Variants in PBX4 observed in about 807,000 individuals in gnomAD.
PBX4 encodes pre-B-cell leukemia transcription factor 4.
A neutral mutation model predicts 35.1 loss-of-function variants in PBX4; 26 were observed. The observed-to-expected ratio is 0.74, with a 90% CI of 0.54 to 1.03. PBX4 has a LOEUF of 1.03. PBX4 is among the 50% of genes least tolerant of loss of function. The pLI is 0.00. For synonymous variants in PBX4, 199 were observed against 204.2 expected, an observed-to-expected ratio of 0.97 and a Z score of 0.22; for missense variants, 448 against 504.3, an observed-to-expected ratio of 0.89 and a Z score of 1.07.
At chr19:19,566,390 A>G (rs1053793224) in intron 5 of PBX4, among the ~76,000 whole-genome samples, 7 of 152,232 alleles carry the variant, frequency 4.6e-5, no homozygotes, top group Non-Finnish European at 1.0e-4. Context: ...TGAGCACCCC[A>G]GGGCCAGCGC....
chr19:19,589,639 G>A (rs778584878), intron 2 of PBX4, among the ~76,000 whole-genome samples: 4 of 151,670 alleles, frequency 2.6e-5, no homozygotes, highest in Non-Finnish European at 4.4e-5. Flanking sequence ...GCATGGTGGC[G>A]GGCACCTGTA....
At chr19:19,590,269 C>T (rs982166125) in intron 2 of PBX4, among the ~76,000 whole-genome samples, 1 of 152,124 alleles carries the variant, frequency 6.6e-6, no homozygotes, top group Non-Finnish European at 1.5e-5. Context: ...CTTCCTGTCT[C>T]TATGGATTTG....
At chr19:19,588,171 C>T in intron 2 of PBX4, 1 of 1,236,108 alleles carries the variant, frequency 8.1e-7, no homozygotes, top group Non-Finnish European at 1.2e-6. Context: ...AGGCAGCCAT[C>T]CCTATTCTTC....
At chr19:19,617,902 G>A (rs945946984) in intron 1 of PBX4, among the ~76,000 whole-genome samples, 3 of 151,838 alleles carry the variant, frequency 2.0e-5, no homozygotes, top group African/African-American at 7.3e-5. Flanking sequence ...TCGGTGGCTC[G>A]CGCCTGTAAT....
intron 2 of PBX4, among the ~76,000 whole-genome samples, chr19:19,591,606 G>A (rs996517994): frequency 6.6e-5 from 10 of 152,186 alleles, no homozygotes; most frequent in Non-Finnish European, 1.5e-4. Context: ...TCTCAAGAAC[G>A]GCCCAGGATG....
At chr19:19,607,542 T>A (rs1040505516) in intron 1 of PBX4, among the ~76,000 whole-genome samples, 1 of 152,152 alleles carries the variant, frequency 6.6e-6, no homozygotes, top group South Asian at 2.1e-4. Flanking sequence ...CAATTGAGAG[T>A]CATATAGAAA....
chr19:19,591,496 A>G (rs769718012), intron 2 of PBX4, among the ~76,000 whole-genome samples: 1 of 152,234 alleles, frequency 6.6e-6, no homozygotes, highest in Non-Finnish European at 1.5e-5. Flanking sequence ...GTGCGTTCCT[A>G]CAGCACAGCA....
intron 1 of PBX4, among the ~76,000 whole-genome samples, chr19:19,616,726 C>T (rs1451900320): frequency 6.6e-6 from 1 of 152,040 alleles, no homozygotes; most frequent in African/African-American, 2.4e-5. Flanking sequence ...CTCTGTCGCC[C>T]AGGCTGGAGT....
intron 1 of PBX4, among the ~76,000 whole-genome samples, chr19:19,609,549 GAAAAAA>G (rs11300224): frequency 1.2e-5 from 1 of 85,032 alleles, no homozygotes; most frequent in Admixed American, 1.3e-4. Flanking sequence ...AAATCCATAT[GAAAAAA>G]AAAAAAAAAA....
chr19:19,569,472 T>A lies in PBX4; in HGVS notation c.745A>T (p.Lys249Ter). ...SEEAKEELAR[K>*]GGLTISQVSN... ...ACCTGGGAGATGGTGAGGCCGCCCTTCCTGGCCAGCTCTTCTTTGGCTTCT... is the reference window on the plus strand; with the variant it reads ...ACCTGGGAGATGGTGAGGCCGCCCTACCTGGCCAGCTCTTCTTTGGCTTCT... The change falls in exon 5 of 8, where the codon AAG (lysine) becomes TAG (stop). Residue 249 changes from lysine to a stop codon, truncating the protein, a stop_gained. Coordinates refer to ENST00000251203, the MANE Select transcript of PBX4 (RefSeq NM_025245.3). LOFTEE classifies it high-confidence loss of function. 6.2e-7 allele frequency: 1 copy of A among 1,613,094 alleles called. No homozygotes were observed. The highest frequency in any genetic ancestry group is 8.5e-7 in the Non-Finnish European group (1 of 1,179,542).
At chr19:19,582,822 C>T (rs1251367741) in intron 2 of PBX4, among the ~76,000 whole-genome samples, 1 of 152,208 alleles carries the variant, frequency 6.6e-6, no homozygotes, top group South Asian at 2.1e-4. Flanking sequence ...TAAGACGCTG[C>T]GCTGCTGCTG....
chr19:19,609,853 A>G (rs2061653756), intron 1 of PBX4, among the ~76,000 whole-genome samples: 1 of 152,170 alleles, frequency 6.6e-6, no homozygotes, highest in East Asian at 1.9e-4. Context: ...TCCGTCTCAA[A>G]AAAACTAAAG....
intron 2 of PBX4, among the ~76,000 whole-genome samples, chr19:19,598,604 T>C (rs1316901755): frequency 6.6e-6 from 1 of 152,168 alleles, no homozygotes; most frequent in Non-Finnish European, 1.5e-5. Flanking sequence ...CCGACAAAAC[T>C]GTTCTTATTC....
At chr19:19,589,435 A>G (rs2061512555) in intron 2 of PBX4, among the ~76,000 whole-genome samples, 1 of 151,812 alleles carries the variant, frequency 6.6e-6, no homozygotes, top group African/African-American at 2.4e-5. Flanking sequence ...CTCTGTCTAA[A>G]ATAAATAAAT....
chr19:19,606,892 G>A (rs2061634803), intron 1 of PBX4: 1 of 152,108 alleles, frequency 6.6e-6, no homozygotes, highest in Non-Finnish European at 1.5e-5. Context: ...CTGGGAGGCT[G>A]AGGCATGACA....
intron 5 of PBX4, among the ~76,000 whole-genome samples, chr19:19,567,118 G>C (rs186123146): frequency 6.9e-4 from 105 of 152,294 alleles, no homozygotes; most frequent in Non-Finnish European, 1.4e-3. Flanking sequence ...GGGGGTGTGA[G>C]CAGCCTTCTC....
At position 19,576,363 on chromosome 19, in the gene PBX4, TTACA is replaced by T. The variant is rs756515309; in HGVS notation, c.194-5534_194-5531del. 3.1e-3 allele frequency among the ~76,000 whole-genome samples: 470 copies of T among 152,092 alleles called. 2 individuals carry two copies. Among genetic ancestry groups the T allele is most frequent in the Middle Eastern group, 6.8e-3 (2 of 292 alleles). The stretch of plus-strand genomic sequence containing the variant: ...GCCTCAGCCTCCCAAGTAGCTGGGA[TTACA>T]GGCACACGCCACCATGCCCAGCTAA... On this transcript the variant is annotated intron_variant, in intron 2 of 7. Coordinates refer to ENST00000251203, the MANE Select transcript of PBX4 (RefSeq NM_025245.3).
intron 2 of PBX4, among the ~76,000 whole-genome samples, chr19:19,585,905 A>C (rs1393976147): frequency 6.6e-6 from 1 of 152,132 alleles, no homozygotes; most frequent in Non-Finnish European, 1.5e-5. Context: ...GCCCACCTGC[A>C]CCCAGGTGAA....
At chr19:19,572,874 AAG>A (rs2061394184) in intron 2 of PBX4, among the ~76,000 whole-genome samples, 1 of 137,226 alleles carries the variant, frequency 7.3e-6, no homozygotes, top group Non-Finnish European at 1.6e-5. Flanking sequence ...AAAAAAAAAA[AAG>A]AGATTTCCAC....
Sources: allele counts gnomAD v4.1 joint callset (sites outside exome capture counted in the v4.1 genomes callset), GRCh38; gene constraint gnomAD v4.1.1; transcripts MANE v1.5; gene names NCBI Gene and HGNC (gene_info 2026-07-23, HGNC 2026-07-21).